The following UBN2 variants were observed in gnomAD, a reference collection of about 807,000 sequenced individuals.
UBN2 encodes ubinuclein 2.
A neutral mutation model predicts 120.2 loss-of-function variants in UBN2; 35 were observed. The ratio of observed to expected loss-of-function variants is 0.29; its 90% confidence interval spans 0.22 to 0.39. The LOEUF is 0.39. Ranked by LOEUF, UBN2 falls within the 10% of genes least tolerant of loss-of-function variation. The pLI, the probability that UBN2 is intolerant of heterozygous loss-of-function variation, is 1.00. For synonymous variants in UBN2, 661 were observed against 648.7 expected (o/e 1.02, Z -0.29); for missense variants, 1,693 against 1,663.2 (o/e 1.02, Z -0.31).
chr7:139,301,198 T>C lies in UBN2; in HGVS notation c.*3362T>C, dbSNP rs1428740564. 1 of 152,148 alleles carries C rather than the reference T, an allele frequency of 6.6e-6. No individual in the cohort carries two copies. Among genetic ancestry groups the C allele is most frequent in the Non-Finnish European group, 1.5e-5 (1 of 68,050 alleles). The allele number at this position is 152,148 out of a possible 1,614,324, so 9.4% of individuals were successfully genotyped here. A position where few individuals can be genotyped will look rare whatever the true frequency, so the allele number is the denominator to read the frequency against. Reference sequence around the variant, plus strand: ...AGGGGAAGAACCGGGCACATATGTGTTGGAATACTGTGGGTTTGACACCTG... The same window carrying C: ...AGGGGAAGAACCGGGCACATATGTGCTGGAATACTGTGGGTTTGACACCTG... On this transcript the variant is annotated 3_prime_UTR_variant, in exon 18 of 18. Transcript: ENST00000473989.
intron 15 of UBN2, 49 bp from the exon 16 acceptor site, chr7:139,293,183 T>C: frequency 6.9e-7 from 1 of 1,439,178 alleles, no homozygotes. Context: ...AATAAATCAA[T>C]TTGGGTTGCT....
At chr7:139,240,953 C>T (rs1020414221) in intron 2 of UBN2, among the ~76,000 whole-genome samples, 1 of 152,176 alleles carries the variant, frequency 6.6e-6, no homozygotes, top group Admixed American at 6.5e-5. Flanking sequence ...GCTCCAGATT[C>T]GTCTTGATGG....
chr7:139,328,489 C>T, the UBN2 span, among the ~76,000 whole-genome samples: 12 of 152,306 alleles, frequency 7.9e-5, no homozygotes, highest in East Asian at 2.3e-3. Flanking sequence ...CAGCTAGAGC[C>T]AAACCCTGAC....
rs1563222696 is a variant in UBN2, at chr7:139,283,448, C to G, written c.2543C>G (p.Ala848Gly). The G allele has an allele frequency of 1.9e-6, 3 of 1,614,130 alleles. No homozygotes were observed. Among genetic ancestry groups the G allele is most frequent in the South Asian group, 1.1e-5 (1 of 91,086 alleles). ...GTACCAAAGAAACCCCAGGATTTAG[C>G]TCATACTGGCATCTCTTCAGGCCTT... ...GPVPKKPQDL[A>G]HTGISSGLIA... Residue 848 changes from alanine (A) to glycine (G), a missense_variant, in exon 15 of 18, where the codon GCT becomes GGT. Ala to Gly is a moderately conservative substitution (Grantham distance 60). Around this residue, in one of 5 missense-constraint regions of UBN2, gnomAD observed 837 missense variants for 817.6 expected, o/e 1.02. Coordinates refer to ENST00000473989, the MANE Select transcript of UBN2 (RefSeq NM_173569.4).
intron 2 of UBN2, among the ~76,000 whole-genome samples, chr7:139,245,826 GA>G (rs1489044951): frequency 6.6e-6 from 1 of 152,206 alleles, no homozygotes; most frequent in Non-Finnish European, 1.5e-5. Context: ...AAAGCACAAG[GA>G]ACAGTAAGAA....
At chr7:139,272,229 G>A in intron 8 of UBN2, 93 bp from the exon 9 acceptor site, 1 of 807,236 alleles carries the variant, frequency 1.2e-6, no homozygotes, top group Non-Finnish European at 2.0e-6. Flanking sequence ...TCTATAATTG[G>A]TATCTAAAAC....
At chr7:139,264,948 G>A (rs1797052058) in intron 6 of UBN2, among the ~76,000 whole-genome samples, 1 of 152,044 alleles carries the variant, frequency 6.6e-6, no homozygotes, top group African/African-American at 2.4e-5. Context: ...GTCATAATTT[G>A]ATACATTCAT....
chr7:139,292,866 G>T (rs752177856), intron 15 of UBN2, among the ~76,000 whole-genome samples: 5 of 152,210 alleles, frequency 3.3e-5, no homozygotes, highest in Non-Finnish European at 5.9e-5. Context: ...GAAAGCAGCA[G>T]TCTGCAGCAG....
intron 11 of UBN2, among the ~76,000 whole-genome samples, chr7:139,275,553 A>G (rs756216797): frequency 5.3e-5 from 8 of 151,972 alleles, no homozygotes; most frequent in Non-Finnish European, 1.0e-4. Context: ...ACTGCACTCC[A>G]GCCTGGGTGA....
intron 11 of UBN2, among the ~76,000 whole-genome samples, chr7:139,275,622 G>A (rs1299118553): frequency 1.3e-5 from 2 of 151,922 alleles, no homozygotes; most frequent in Non-Finnish European, 2.9e-5. Flanking sequence ...AATAAACTTG[G>A]CTAGTTCAAC....
chr7:139,308,670 A>T (rs758805356), downstream of UBN2, among the ~76,000 whole-genome samples: 2 of 151,996 alleles, frequency 1.3e-5, no homozygotes, highest in Non-Finnish European at 2.9e-5. Context: ...ATTGTGACTC[A>T]CTCTAGGTTT....
At chr7:139,287,840 A>G (rs1337586617) in intron 15 of UBN2, among the ~76,000 whole-genome samples, 1 of 152,092 alleles carries the variant, frequency 6.6e-6, no homozygotes, top group Non-Finnish European at 1.5e-5. Flanking sequence ...TAGCTCTCCA[A>G]CACTGAAAAC....
intron 2 of UBN2, among the ~76,000 whole-genome samples, chr7:139,239,352 G>T (rs1796250965): frequency 6.6e-6 from 1 of 151,764 alleles, no homozygotes; most frequent in Admixed American, 6.6e-5. Context: ...AATGATTTAG[G>T]TTGCTTTCAA....
chr7:139,240,447 TATA>T (rs1158215770), intron 2 of UBN2, among the ~76,000 whole-genome samples: 176 of 36,704 alleles, frequency 4.8e-3, no homozygotes, highest in Non-Finnish European at 6.6e-3. Context: ...TATATATATA[TATA>T]TATATTTTTT....
chr7:139,318,486 T>G, the UBN2 span, among the ~76,000 whole-genome samples: 2 of 152,160 alleles, frequency 1.3e-5, no homozygotes, highest in African/African-American at 4.8e-5. Flanking sequence ...GGACATTCTT[T>G]GAGGCCTGGC....
At chr7:139,260,870 T>C (rs1290571148) in intron 5 of UBN2, among the ~76,000 whole-genome samples, 1 of 152,208 alleles carries the variant, frequency 6.6e-6, no homozygotes, top group Non-Finnish European at 1.5e-5. Flanking sequence ...TACCAGGCAC[T>C]GATACAGGGT....
At chr7:139,265,113 T>A (rs905307262) in intron 6 of UBN2, among the ~76,000 whole-genome samples, 3 of 152,226 alleles carry the variant, frequency 2.0e-5, no homozygotes, top group Non-Finnish European at 4.4e-5. Context: ...TTTCTAAATA[T>A]CTTTGTATTT....
the UBN2 span, among the ~76,000 whole-genome samples, chr7:139,328,396 G>A: frequency 0.043 from 6,553 of 152,212 alleles, 468 homozygotes; most frequent in African/African-American, 0.15. Context: ...CACCTTCCAC[G>A]AGGCCCCTCC....
At chr7:139,247,616 G>T (rs1380718091) in intron 2 of UBN2, among the ~76,000 whole-genome samples, 1 of 152,146 alleles carries the variant, frequency 6.6e-6, no homozygotes, top group African/African-American at 2.4e-5. Flanking sequence ...ATAGATGATT[G>T]TACTTAGTAT....
Sources: allele counts gnomAD v4.1 joint callset (sites outside exome capture counted in the v4.1 genomes callset), GRCh38; gene constraint gnomAD v4.1.1; regional missense constraint gnomAD v4.1.1; transcripts MANE v1.5; gene names NCBI Gene and HGNC (gene_info 2026-07-23, HGNC 2026-07-21).